DCTN1: variants seen among roughly 807,000 people sequenced by gnomAD.
The protein encoded by DCTN1 is 150 kDa dynein-associated polypeptide.
In DCTN1, 61 loss-of-function variants were observed where a neutral mutation model predicts 161.2. The observed-to-expected ratio is 0.38, with a 90% CI of 0.31 to 0.47. The LOEUF is 0.47. Ranked by LOEUF, DCTN1 falls within the 20% of genes least tolerant of loss-of-function variation. The pLI is 0.99. For synonymous variants in DCTN1, 653 were observed against 632.4 expected (o/e 1.03, Z -0.49); for missense variants, 1,404 against 1,623.7 (o/e 0.86, Z 2.33).
chr2:74,382,991 C>G (rs978524976), upstream of DCTN1, among the ~76,000 whole-genome samples: 8 of 151,442 alleles, frequency 5.3e-5, no homozygotes, highest in Non-Finnish European at 1.0e-4. Context: ...AGGAGAATGG[C>G]GTGAACCCGG....
intron 4 of DCTN1, 119 bp from the exon 5 acceptor site, chr2:74,376,881 T>G (rs1160090655): frequency 5.8e-6 from 5 of 868,196 alleles, no homozygotes; most frequent in Non-Finnish European, 9.5e-6. Context: ...GTGAGATGAG[T>G]AGCCCCTCAA....
intron 4 of DCTN1, 80 bp from the exon 5 acceptor site, chr2:74,376,842 A>G: frequency 7.4e-7 from 1 of 1,351,264 alleles, no homozygotes; most frequent in Non-Finnish European, 1.0e-6. Flanking sequence ...GGGCTTACAC[A>G]GGTTAGACGC....
chr2:74,385,018 G>C (rs572705566), upstream of DCTN1: 2 of 152,290 alleles, frequency 1.3e-5, no homozygotes, highest in South Asian at 4.1e-4. Context: ...AGAAGACAAC[G>C]TACACAGAGC....
chr2:74,380,811 C>T (rs1032567045), upstream of DCTN1, among the ~76,000 whole-genome samples: 2 of 152,228 alleles, frequency 1.3e-5, no homozygotes, highest in African/African-American at 4.8e-5. Context: ...AGTACCCTAG[C>T]CCCCTCCCAC....
chr2:74,383,032 G>A (rs536671413), upstream of DCTN1, among the ~76,000 whole-genome samples: 21 of 150,944 alleles, frequency 1.4e-4, no homozygotes, highest in Non-Finnish European at 2.1e-4. Flanking sequence ...CCGAGATTGC[G>A]CCACTGCAGT....
chr2:74,381,326 G>T (rs1640529169), upstream of DCTN1, among the ~76,000 whole-genome samples: 1 of 152,166 alleles, frequency 6.6e-6, no homozygotes, highest in Non-Finnish European at 1.5e-5. Context: ...AGGGACGCCT[G>T]TCTTTTCTGC....
chr2:74,364,944 G>T (rs546581027), intron 26 of DCTN1, 131 bp downstream of exon 26: 3 of 1,181,678 alleles, frequency 2.5e-6, no homozygotes, highest in Admixed American at 1.8e-5. Context: ...GGCACAGAGT[G>T]AAACTGTGTA....
In DCTN1 at chr2:74,369,924, G is replaced by A. The variant is rs1674710039; in HGVS notation, c.1392+41C>T. ...GGGTCACATGTCAATCTTTTTCTCA[G>A]CAGGTCCAAGTCAGATGTCAGGGGT... On this transcript the variant is annotated intron_variant, in intron 13 of 31. Coordinates refer to ENST00000628224, the MANE Select transcript of DCTN1 (RefSeq NM_004082.5). The surrounding 1 kb of genome is among the most constrained non-coding windows in gnomAD (Gnocchi z 4.9). 1 of 1,595,258 alleles carries A rather than the reference G, an allele frequency of 6.3e-7. No individual in the cohort carries two copies. The highest frequency in any genetic ancestry group is 8.6e-7 in the Non-Finnish European group (1 of 1,163,806).
chr2:74,376,407 G>C (rs368000043), intron 5 of DCTN1, among the ~76,000 whole-genome samples: 1 of 152,264 alleles, frequency 6.6e-6, no homozygotes, highest in African/African-American at 2.4e-5. Context: ...GTCCAAGCTC[G>C]GGCTAAGTGA....
rs1674167210 is a variant in DCTN1, at chr2:74,363,404, C to A, written c.3235G>T (p.Gly1079Trp). 6.2e-7 allele frequency: 1 copy of A among 1,612,520 alleles called. No individual in the cohort carries two copies. The highest frequency in any genetic ancestry group is 8.5e-7 in the Non-Finnish European group (1 of 1,179,720). ...ACCAGCCCTGGGCCTGGCACAGACC[C>A]TGGAGCCTGCCCAGGGATGGCTCCT... Reference protein sequence around the residue: ...QRGAIPGQAPGSVPGPGLVKD... With the variant: ...QRGAIPGQAPWSVPGPGLVKD... The change falls in exon 28 of 32, where the codon GGG becomes TGG. Residue 1079 changes from glycine to tryptophan, a missense_variant. Around this residue, in one of 9 missense-constraint regions of DCTN1, gnomAD observed 311 missense variants for 298.9 expected, o/e 1.04. Transcript: ENST00000628224.
chr2:74,371,734 C>G lies in DCTN1; in HGVS notation c.454-6G>C, dbSNP rs1674873854. On this transcript the variant is annotated splice_region_variant and splice_polypyrimidine_tract_variant and intron_variant, in intron 7 of 31. Transcript: ENST00000628224. ...GTACTGGCTGGGCGCGTGGGCTATTCAGAAAGGGTAGAGGCAGACCAGAAA... is the reference window on the plus strand; with the variant it reads ...GTACTGGCTGGGCGCGTGGGCTATTGAGAAAGGGTAGAGGCAGACCAGAAA... The G allele has an allele frequency of 6.2e-7, 1 of 1,606,278 alleles. No individual in the cohort carries two copies. Among genetic ancestry groups the G allele is most frequent in the Non-Finnish European group, 8.5e-7 (1 of 1,177,780 alleles).
chr2:74,374,424 G>A, intron 5 of DCTN1, 84 bp from the exon 6 acceptor site: 2 of 1,600,718 alleles, frequency 1.2e-6, no homozygotes, highest in Non-Finnish European at 8.5e-7. Flanking sequence ...CACGGAGGAA[G>A]GACAGACGAA....
chr2:74,389,385 C>T (rs1178054106), intron 1 of DCTN1, among the ~76,000 whole-genome samples: 1 of 152,142 alleles, frequency 6.6e-6, no homozygotes, highest in African/African-American at 2.4e-5. Flanking sequence ...CCAAGTGCCC[C>T]CAGTATCACC....
At position 74,368,787 on chromosome 2, in the gene DCTN1, G is replaced by A. The variant is rs1485897831; in HGVS notation, c.1795C>T (p.Pro599Ser). The part of the protein sequence containing the change: ...TAFMPDSFLR[P>S]GGDHDCVLVL... Reference sequence around the variant, plus strand: ...AGAACGCAGTCATGGTCCCCACCTGGCCGAAGGAAGCTGTCAGGCATGAAG... The same window carrying A: ...AGAACGCAGTCATGGTCCCCACCTGACCGAAGGAAGCTGTCAGGCATGAAG... The change falls in exon 16 of 32, where the codon CCA (proline) becomes TCA (serine). Residue 599 changes from proline to serine, a missense_variant. Transcript: ENST00000628224. The A allele has an allele frequency of 1.2e-6, 2 of 1,614,242 alleles. No homozygotes were observed. Among genetic ancestry groups the A allele is most frequent in the South Asian group, 2.2e-5 (2 of 91,088 alleles).
chr2:74,365,044 G>A, intron 26 of DCTN1, 31 bp downstream of exon 26: 1 of 1,613,790 alleles, frequency 6.2e-7, no homozygotes, highest in Non-Finnish European at 8.5e-7. Flanking sequence ...AATCTCCTCT[G>A]TGCTAGTGCT....
At position 74,361,583 on chromosome 2, in the gene DCTN1, T is replaced by C. The variant is rs761057825; in HGVS notation, c.3753A>G (p.Ser1251=). 1.2e-6 allele frequency: 2 copies of C among 1,610,456 alleles called. No individual in the cohort carries two copies. Among genetic ancestry groups the C allele is most frequent in the Middle Eastern group, 1.7e-4 (1 of 6,054 alleles). Residue 1251 remains serine, a synonymous_variant, in exon 32 of 32, where the codon TCA becomes TCG. Coordinates refer to ENST00000628224, the MANE Select transcript of DCTN1 (RefSeq NM_004082.5). ...GTCGCTGTCCAAAACCAGCCGCACA[T>C]GAGAAGGTCACTTTGCCCATGTAGA... The part of the protein sequence containing the change: ...DTVYMGKVTF[S]CAAGFGQRHR...
upstream of DCTN1, among the ~76,000 whole-genome samples, chr2:74,381,372 C>A (rs1475087101): frequency 6.6e-6 from 1 of 152,190 alleles, no homozygotes; most frequent in Non-Finnish European, 1.5e-5. Flanking sequence ...AGTGACTTTA[C>A]CCCGCTCTAC....
At chr2:74,383,061 G>A (rs1162721384), upstream of DCTN1, among the ~76,000 whole-genome samples, 6 of 149,054 alleles carry the variant, frequency 4.0e-5, no homozygotes, top group South Asian at 2.1e-4. Context: ...CCGCCTGGGC[G>A]ACAGAGCGAG....
In DCTN1 at chr2:74,361,400, C is replaced by T. The variant is rs763470976; in HGVS notation, c.*99G>A. On this transcript the variant is annotated 3_prime_UTR_variant, in exon 32 of 32. Transcript: ENST00000628224. ...GCTGAACGGGGCAGGAAGAGCTTAACCCACGTTTCTACCTGGGGGCTGGCT... is the reference window on the plus strand; with the variant it reads ...GCTGAACGGGGCAGGAAGAGCTTAATCCACGTTTCTACCTGGGGGCTGGCT... 4 of 1,563,874 alleles carry T rather than the reference C, an allele frequency of 2.6e-6. No individual in the cohort carries two copies. Among genetic ancestry groups the T allele is most frequent in the Non-Finnish European group, 2.6e-6 (3 of 1,144,678 alleles).
Sources: gnomAD v4.1 joint callset for allele counts (sites outside exome capture counted in the v4.1 genomes callset) on GRCh38, gnomAD v4.1.1 for gene constraint, gnomAD v4.1.1 regional missense constraint, Gnocchi (gnomAD v3.1) non-coding constraint, MANE v1.5 for transcripts, NCBI Gene and HGNC (gene_info 2026-07-23, HGNC 2026-07-21) for gene names.